MEI1: variants seen among roughly 807,000 people sequenced by gnomAD.
The protein encoded by MEI1 is meiosis inhibitor protein 1.
In MEI1, 103 loss-of-function variants were observed where a neutral mutation model predicts 146.2. The ratio of observed to expected loss-of-function variants is 0.70; its 90% CI spans 0.60 to 0.83. The LOEUF is 0.83. Among genes scored for constraint, MEI1 ranks in the 40% least tolerant of loss-of-function variants. The probability of loss-of-function intolerance (pLI) is 0.00; values close to 1 mark genes in which losing one functional copy is unlikely to be tolerated. For synonymous variants in MEI1, 652 were observed against 628.2 expected (o/e 1.04, Z -0.57); for missense variants, 1,529 against 1,533.0 (o/e 1.00, Z 0.04).
intron 20 of MEI1, among the ~76,000 whole-genome samples, chr22:41,773,160 C>T (rs1469668520): frequency 6.6e-6 from 1 of 152,166 alleles, no homozygotes; most frequent in Non-Finnish European, 1.5e-5. Flanking sequence ...TGAATGTGCA[C>T]CATCCTTATC....
rs1042791374 is a variant in MEI1, at chr22:41,770,897, C to T, written c.2480C>T (p.Pro827Leu). 4 of 1,613,940 alleles carry T rather than the reference C, an allele frequency of 2.5e-6. No homozygotes were observed. The African/African-American group carries it at 4.0e-5, about 16-fold the overall frequency. The change falls in exon 20 of 31, where the codon CCT becomes CTT. Residue 827 changes from proline (P) to leucine (L), a missense_variant. Pro to Leu is a moderately conservative substitution (Grantham distance 98). This residue lies in a region of MEI1 where 1,212 missense variants were observed against 1,178.9 expected (regional missense o/e 1.03). Coordinates refer to ENST00000401548, the MANE Select transcript of MEI1 (RefSeq NM_152513.4). ...DVTSAGQPAL[P>L]ASLVVLFQLL... Reference sequence around the variant, plus strand: ...ACCTCTGCTGGGCAGCCCGCCCTTCCTGCCAGCTTAGTAGTCCTGTTCCAG... The same window carrying T: ...ACCTCTGCTGGGCAGCCCGCCCTTCTTGCCAGCTTAGTAGTCCTGTTCCAG...
chr22:41,770,614 C>G (rs1007304431), intron 19 of MEI1, 72 bp from the exon 20 acceptor site: 50 of 1,431,656 alleles, frequency 3.5e-5, no homozygotes, highest in Non-Finnish European at 4.0e-5. Context: ...TCCTAGTCAT[C>G]TCTTGGCCAT....
intron 27 of MEI1, 147 bp downstream of exon 27, chr22:41,794,057 A>AC: frequency 1.3e-6 from 1 of 778,414 alleles, no homozygotes; most frequent in Non-Finnish European, 2.1e-6. Flanking sequence ...AAGGGCAGTC[A>AC]TGCCCATTAT....
chr22:41,701,364 C>G (rs915166671), intron 1 of MEI1, among the ~76,000 whole-genome samples: 2 of 152,026 alleles, frequency 1.3e-5, no homozygotes, highest in Non-Finnish European at 2.9e-5. Context: ...GGTCCGGTGG[C>G]TCACACCTGT....
chr22:41,716,316 C>A (rs930202353), intron 5 of MEI1, among the ~76,000 whole-genome samples, 170 bp downstream of exon 5: 1 of 146,364 alleles, frequency 6.8e-6, no homozygotes, highest in East Asian at 2.0e-4. Flanking sequence ...TGAAAAAGGT[C>A]AGTTTTTTGA....
At chr22:41,727,653 T>C (rs2071479742) in intron 7 of MEI1, among the ~76,000 whole-genome samples, 1 of 152,080 alleles carries the variant, frequency 6.6e-6, no homozygotes, top group Non-Finnish European at 1.5e-5. Context: ...GGAGGACTCA[T>C]AGGACTCAAC....
In MEI1 at chr22:41,785,895, AT is replaced by A. The variant is rs139546; in HGVS notation, c.3345+1119del. ...TATTTTTTTATTTTTTTATTTTTTT[AT>A]TTTTTTATTTTTTATTTTATTTTTT... On this transcript the variant is annotated intron_variant, in intron 26 of 30. Transcript: ENST00000401548. Among the ~76,000 whole-genome samples, 9 of 124,096 alleles carry A rather than the reference AT, an allele frequency of 7.3e-5. No individual in the cohort carries two copies. In the East Asian group the frequency reaches 2.0e-3, roughly 27 times the overall value. 81.4% of individuals were successfully genotyped at this position (124,096 alleles called of 152,430 possible).
chr22:41,700,126 G>A (rs1301868000), intron 1 of MEI1, among the ~76,000 whole-genome samples: 1 of 152,228 alleles, frequency 6.6e-6, no homozygotes, highest in Non-Finnish European at 1.5e-5. Flanking sequence ...ACTCACCTGC[G>A]GGCCAGGGGC....
intron 12 of MEI1, among the ~76,000 whole-genome samples, chr22:41,743,914 G>A (rs2073080296): frequency 1.3e-5 from 2 of 151,578 alleles, no homozygotes; most frequent in Admixed American, 1.3e-4. Flanking sequence ...CTTACTCTGT[G>A]GCCCCAGTCT....
At chr22:41,755,163 G>A (rs1261343290) in intron 17 of MEI1, among the ~76,000 whole-genome samples, 2 of 152,194 alleles carry the variant, frequency 1.3e-5, no homozygotes, top group African/African-American at 4.8e-5. Context: ...TATTTGCCCT[G>A]AGGGGTTCCT....
chr22:41,795,294 G>C lies in MEI1; in HGVS notation c.3535-117G>C. ...CCCACTAACTCTGAGCTCCTTGAAG[G>C]CAGGCAGGTTCTGTGGGCTTCAGGA... is the stretch of plus-strand genomic sequence containing the variant. On this transcript the variant is annotated intron_variant, in intron 28 of 30. Coordinates refer to ENST00000401548, the MANE Select transcript of MEI1 (RefSeq NM_152513.4). This position sits in a 1 kb window ranked among gnomAD's most constrained non-coding sequence, Gnocchi z 4.2. 1 of 1,400,778 alleles carries C rather than the reference G, an allele frequency of 7.1e-7. No individual in the cohort carries two copies. Among genetic ancestry groups the C allele is most frequent in the Non-Finnish European group, 9.8e-7 (1 of 1,020,850 alleles). 86.8% of individuals were successfully genotyped at this position (1,400,778 alleles called of 1,614,324 possible).
At chr22:41,729,158 C>T (rs969245949) in intron 7 of MEI1, among the ~76,000 whole-genome samples, 12 of 80,642 alleles carry the variant, frequency 1.5e-4, no homozygotes, top group Non-Finnish European at 2.6e-4. Context: ...GAGTGAGACT[C>T]CGTCTCAAAA....
rs1161413291 is a variant in MEI1, at chr22:41,718,419, C to G, written c.733+145C>G. 8.5e-6 allele frequency: 6 copies of G among 703,268 alleles called. No individual in the cohort carries two copies. The East Asian group carries it at 1.4e-4, about 16-fold the overall frequency. The allele number at this position is 703,268 out of a possible 1,614,324, so 43.6% of individuals were successfully genotyped here. ...CAAGGCTTGAGAGATAAGAGACACA[C>G]TGTGTGAAAGATGCCTAGAGTTGGT... On this transcript the variant is annotated intron_variant, in intron 6 of 30. Coordinates refer to ENST00000401548, the MANE Select transcript of MEI1 (RefSeq NM_152513.4).
intron 18 of MEI1, among the ~76,000 whole-genome samples, chr22:41,761,827 C>T (rs1186102108): frequency 6.6e-6 from 1 of 152,178 alleles, no homozygotes; most frequent in Non-Finnish European, 1.5e-5. Flanking sequence ...TGTTCTGTCT[C>T]TTTGGAGTTA....
chr22:41,757,089 GTTTC>G (rs1258682227), intron 17 of MEI1, among the ~76,000 whole-genome samples: 4 of 151,922 alleles, frequency 2.6e-5, no homozygotes, highest in South Asian at 4.2e-4. Context: ...TCCACAGTTT[GTTTC>G]TTTCTTTCTT....
At chr22:41,709,325 T>G in intron 3 of MEI1, 1 of 781,350 alleles carries the variant, frequency 1.3e-6, no homozygotes, top group Non-Finnish European at 2.3e-6. Flanking sequence ...TTTTCCCTTT[T>G]TCCCTTTGGG....
intron 19 of MEI1, among the ~76,000 whole-genome samples, chr22:41,766,159 G>A (rs1244162263): frequency 1.3e-5 from 2 of 151,720 alleles, no homozygotes; most frequent in African/African-American, 2.4e-5. Flanking sequence ...ACAGGCATGA[G>A]CCACCGTGCC....
intron 11 of MEI1, among the ~76,000 whole-genome samples, 184 bp from the exon 12 acceptor site, chr22:41,742,896 A>G (rs1256468554): frequency 6.6e-6 from 1 of 152,140 alleles, no homozygotes; most frequent in Non-Finnish European, 1.5e-5. Flanking sequence ...TACTCATCTC[A>G]GTCTCCCAAA....
At chr22:41,774,262 G>A (rs574946962) in intron 20 of MEI1, 5 of 152,338 alleles carry the variant, frequency 3.3e-5, no homozygotes, top group East Asian at 1.9e-4. Context: ...GGGTCCTCAC[G>A]TTCCTCTTCC....
Sources: allele counts gnomAD v4.1 joint callset (sites outside exome capture counted in the v4.1 genomes callset), GRCh38; gene constraint gnomAD v4.1.1; regional missense constraint gnomAD v4.1.1; non-coding constraint Gnocchi (gnomAD v3.1); transcripts MANE v1.5; gene names NCBI Gene and HGNC (gene_info 2026-07-23, HGNC 2026-07-21).